Variants in PDGFC observed in about 807,000 individuals in gnomAD.
PDGFC encodes platelet derived growth factor C.
A neutral mutation model predicts 35.5 loss-of-function variants in PDGFC; 12 were observed. That is an observed-to-expected ratio of 0.34 (90% CI 0.22 to 0.55). The LOEUF (loss-of-function observed/expected upper bound fraction) is 0.55. Among genes scored for constraint, PDGFC ranks in the 20% least tolerant of loss-of-function variants. The pLI is 0.91. For missense variants in PDGFC, 322 were observed against 412.4 expected, an observed-to-expected ratio of 0.78 and a Z score of 1.90; for synonymous variants, 159 against 148.8, an observed-to-expected ratio of 1.07 and a Z score of -0.50.
rs7675577 is a variant in PDGFC at position 156,920,648 on chromosome 4, C to A, written c.118+50138G>T. Among the ~76,000 whole-genome samples, 66 of 72,314 alleles carry A rather than the reference C, an allele frequency of 9.1e-4. 1 individual carries two copies. The East Asian group carries it at 9.8e-3, about 11-fold the overall frequency. 47.4% of individuals were successfully genotyped at this position (72,314 alleles called of 152,430 possible). On this transcript the variant is annotated intron_variant, in intron 1 of 5. Transcript: ENST00000502773. The stretch of plus-strand genomic sequence containing the variant: ...AAAAGCTTAACAGGAAAAGAAAACA[C>A]ACACACACACACACACACACACACA...
rs531743439 is a variant in PDGFC, at chr4:156,773,154, A to T, written c.496-261T>A. Among the ~76,000 whole-genome samples the T allele has an allele frequency of 3.3e-5, 5 of 152,364 alleles. No homozygotes were observed. In the East Asian group the frequency reaches 9.6e-4, roughly 29 times the overall value. The stretch of plus-strand genomic sequence containing the variant: ...GGATATCTTTTGGTCATATAAAAGA[A>T]TTAAAAATATCTTCATGGTTCAATT... On this transcript the variant is annotated intron_variant, in intron 3 of 5. Transcript: ENST00000502773.
chr4:156,965,805 C>T (rs1384891272), intron 1 of PDGFC, among the ~76,000 whole-genome samples: 1 of 152,030 alleles, frequency 6.6e-6, no homozygotes, highest in African/African-American at 2.4e-5. Context: ...AGCTGCCAAG[C>T]AGAGAGGAAA....
At chr4:156,825,596 G>T (rs3964174) in intron 2 of PDGFC, among the ~76,000 whole-genome samples, 4,805 of 70,930 alleles carry the variant, frequency 0.068, 78 homozygotes, top group Middle Eastern at 0.09. Flanking sequence ...ATAATAATAA[G>T]AAGAAGAAGA....
At chr4:156,900,015 C>T (rs901102659) in intron 1 of PDGFC, among the ~76,000 whole-genome samples, 5 of 152,196 alleles carry the variant, frequency 3.3e-5, no homozygotes, top group Non-Finnish European at 5.9e-5. Flanking sequence ...AAGATCATGA[C>T]CTGCATCTCT....
chr4:156,806,138 T>C (rs891240278), intron 3 of PDGFC, among the ~76,000 whole-genome samples: 4 of 152,128 alleles, frequency 2.6e-5, no homozygotes, highest in Non-Finnish European at 4.4e-5. Flanking sequence ...TGATTATACA[T>C]AGTTTTTTAA....
At chr4:156,822,999 G>T (rs1337910592) in intron 2 of PDGFC, among the ~76,000 whole-genome samples, 2 of 151,994 alleles carry the variant, frequency 1.3e-5, no homozygotes, top group Non-Finnish European at 2.9e-5. Flanking sequence ...CTCCCAAAGT[G>T]CTGAGGTTAC....
chr4:156,870,512 T>C (rs1019290154), intron 1 of PDGFC, among the ~76,000 whole-genome samples: 2 of 152,152 alleles, frequency 1.3e-5, no homozygotes, highest in Non-Finnish European at 2.9e-5. Context: ...TCTGTTTCTA[T>C]GGAATTAACT....
chr4:156,962,904 T>C (rs75570909), intron 1 of PDGFC, among the ~76,000 whole-genome samples: 2 of 152,262 alleles, frequency 1.3e-5, no homozygotes, highest in East Asian at 1.9e-4. Flanking sequence ...CAGAGCCCTT[T>C]AGACCCATCC....
At chr4:156,884,399 G>A (rs75636043) in intron 1 of PDGFC, among the ~76,000 whole-genome samples, 8,781 of 152,236 alleles carry the variant, frequency 0.058, 365 homozygotes, top group Middle Eastern at 0.11. Context: ...TAAAGAAAGT[G>A]CCTTTTTGCA....
chr4:156,827,262 A>T (rs1006700588), intron 2 of PDGFC, among the ~76,000 whole-genome samples: 1 of 151,932 alleles, frequency 6.6e-6, no homozygotes, highest in Non-Finnish European at 1.5e-5. Flanking sequence ...CTAAAAATAC[A>T]AAAAATTAGC....
At chr4:156,795,255 G>A (rs753161517) in intron 3 of PDGFC, among the ~76,000 whole-genome samples, 1 of 152,076 alleles carries the variant, frequency 6.6e-6, no homozygotes, top group Non-Finnish European at 1.5e-5. Context: ...TATAAAATGA[G>A]TTACTATAAA....
chr4:156,808,928 T>G (rs1161841363), intron 3 of PDGFC, among the ~76,000 whole-genome samples: 1 of 152,014 alleles, frequency 6.6e-6, no homozygotes, highest in Non-Finnish European at 1.5e-5. Context: ...ATTGTAAAAT[T>G]CATATAATTT....
intron 1 of PDGFC, among the ~76,000 whole-genome samples, chr4:156,948,390 C>T (rs942123187): frequency 3.3e-5 from 5 of 151,860 alleles, no homozygotes; most frequent in Admixed American, 6.6e-5. Context: ...CTGCTGCGGC[C>T]GCTTTGACTA....
intron 1 of PDGFC, among the ~76,000 whole-genome samples, chr4:156,959,754 G>T (rs1732296048): frequency 6.6e-6 from 1 of 151,920 alleles, no homozygotes; most frequent in African/African-American, 2.4e-5. Context: ...GCTACGGTAG[G>T]TTGGCCACTT....
intron 1 of PDGFC, among the ~76,000 whole-genome samples, chr4:156,925,335 G>T (rs1285904482): frequency 6.6e-6 from 1 of 152,096 alleles, no homozygotes; most frequent in Non-Finnish European, 1.5e-5. Context: ...ATCATGAGTG[G>T]AAGCAAACAA....
intron 2 of PDGFC, among the ~76,000 whole-genome samples, chr4:156,831,730 C>T (rs924569934): frequency 6.6e-6 from 1 of 151,886 alleles, no homozygotes; most frequent in Non-Finnish European, 1.5e-5. Context: ...GTGTGAGCTA[C>T]CACACCCGGC....
intron 3 of PDGFC, among the ~76,000 whole-genome samples, chr4:156,785,262 C>T (rs1028415914): frequency 2.6e-5 from 4 of 152,096 alleles, no homozygotes; most frequent in Non-Finnish European, 4.4e-5. Context: ...AGTACAGTGG[C>T]GCAATCTTGG....
At chr4:156,823,798 G>A (rs1732339234) in intron 2 of PDGFC, among the ~76,000 whole-genome samples, 1 of 152,094 alleles carries the variant, frequency 6.6e-6, no homozygotes, top group Non-Finnish European at 1.5e-5. Context: ...CATTTCAGCA[G>A]TATTCACAGT....
intron 2 of PDGFC, among the ~76,000 whole-genome samples, chr4:156,839,689 T>C (rs1356331021): frequency 6.6e-6 from 1 of 152,184 alleles, no homozygotes; most frequent in East Asian, 1.9e-4. Flanking sequence ...TGGGAAAGTT[T>C]GAAACTTCCT....
Sources: allele counts gnomAD v4.1 joint callset (sites outside exome capture counted in the v4.1 genomes callset), GRCh38; gene constraint gnomAD v4.1.1; transcripts MANE v1.5; gene names NCBI Gene and HGNC (gene_info 2026-07-23, HGNC 2026-07-21).